The following STAU1 variants were observed in gnomAD, a reference collection of about 807,000 sequenced individuals.
STAU1 encodes the protein staufen double-stranded RNA binding protein 1.
A neutral mutation model predicts 62.9 loss-of-function variants in STAU1; 13 were observed. The observed-to-expected ratio is 0.21, with a 90% CI of 0.13 to 0.33. The LOEUF is 0.33. Ranked by LOEUF, STAU1 falls within the 10% of genes least tolerant of loss-of-function variation. The pLI is 1.00. For synonymous variants in STAU1, 269 were observed against 265.1 expected, an observed-to-expected ratio of 1.01 and a Z score of -0.14; for missense variants, 571 against 712.1, an observed-to-expected ratio of 0.80 and a Z score of 2.25.
At chr20:49,161,784 A>G (rs185704410) in intron 3 of STAU1, among the ~76,000 whole-genome samples, 11 of 152,362 alleles carry the variant, frequency 7.2e-5, no homozygotes, top group African/African-American at 2.4e-4. Context: ...TGGAAGGTCT[A>G]CAAATGTAGG....
chr20:49,219,232 T>C, the STAU1 span: 9 of 978,832 alleles, frequency 9.2e-6, no homozygotes, highest in African/African-American at 1.5e-4. Flanking sequence ...TGGAATTTGC[T>C]TACCTAAAAA....
intron 6 of STAU1, among the ~76,000 whole-genome samples, chr20:49,131,708 T>C (rs1377557607): frequency 6.6e-6 from 1 of 151,878 alleles, no homozygotes; most frequent in African/African-American, 2.4e-5. Context: ...CCGAGTGTGG[T>C]GGCGTGCACC....
At chr20:49,186,404 A>C (rs2093787849) in intron 1 of STAU1, among the ~76,000 whole-genome samples, 1 of 152,158 alleles carries the variant, frequency 6.6e-6, no homozygotes, top group African/African-American at 2.4e-5. Flanking sequence ...GACTGTCAGA[A>C]AATTCTAGGA....
At chr20:49,152,469 G>A (rs189697587) in intron 4 of STAU1, among the ~76,000 whole-genome samples, 77 of 148,994 alleles carry the variant, frequency 5.2e-4, no homozygotes, top group African/African-American at 1.7e-3. Context: ...TCAGCCTCCC[G>A]AGTAGCTGGG....
At chr20:49,140,171 C>T (rs927201400) in intron 5 of STAU1, among the ~76,000 whole-genome samples, 7 of 149,598 alleles carry the variant, frequency 4.7e-5, no homozygotes, top group African/African-American at 9.9e-5. Flanking sequence ...AGTGAGACTC[C>T]GTCTCAAAAA....
At chr20:49,165,870 GGGTGGTGA>G (rs755860497) in intron 3 of STAU1, 119 bp downstream of exon 3, 70 of 878,604 alleles carry the variant, frequency 8.0e-5, no homozygotes, top group Non-Finnish European at 1.2e-4. Flanking sequence ...AAAGAAGTGT[GGGTGGTGA>G]TACTTTCTTT....
chr20:49,204,616 A>ATGTGTG, the STAU1 span, among the ~76,000 whole-genome samples: 16 of 42,204 alleles, frequency 3.8e-4, no homozygotes, highest in African/African-American at 9.2e-4. Context: ...ATATATATAT[A>ATGTGTG]TATATATGTG....
chr20:49,175,402 C>G (rs1315997736), intron 1 of STAU1, among the ~76,000 whole-genome samples: 2 of 151,792 alleles, frequency 1.3e-5, no homozygotes, highest in East Asian at 3.9e-4. Context: ...TTATAAGAGA[C>G]AGCAGAACTT....
chr20:49,126,019 AAAGTTAGCTGCATAT>A (rs1482587245), intron 6 of STAU1, among the ~76,000 whole-genome samples: 1 of 152,002 alleles, frequency 6.6e-6, no homozygotes, highest in Non-Finnish European at 1.5e-5. Flanking sequence ...ACATGAACAG[AAAGTTAGCTGCATAT>A]TAAAGTGATT....
chr20:49,168,085 A>ATT (rs3091970), intron 2 of STAU1, among the ~76,000 whole-genome samples: 1 of 144,560 alleles, frequency 6.9e-6, no homozygotes, highest in Non-Finnish European at 1.5e-5. Flanking sequence ...TAAATTTTTA[A>ATT]TTTTTTTTTT....
Position 49,114,303 on chromosome 20 carries a change from A to G in STAU1, c.*575T>C, listed in dbSNP as rs1255113049. On this transcript the variant is annotated 3_prime_UTR_variant, in exon 14 of 14. Transcript: ENST00000371856. ...AAGAAAATAATGAAACTAAGAATAC[A>G]GATCACTGTTGGAAGAGAAAGCAGT... 6.5e-6 allele frequency: 1 copy of G among 152,950 alleles called. No individual in the cohort carries two copies. The highest frequency in any genetic ancestry group is 1.9e-4 in the East Asian group (1 of 5,212). The allele number at this position is 152,950 out of a possible 1,614,324, so 9.5% of individuals were successfully genotyped here.
At chr20:49,172,946 C>G (rs1345155755) in intron 2 of STAU1, among the ~76,000 whole-genome samples, 1 of 151,094 alleles carries the variant, frequency 6.6e-6, no homozygotes. Flanking sequence ...GAAACAATCT[C>G]GGCTCACTGC....
rs545234449 is a variant in STAU1, at chr20:49,165,891, C to T, written c.205+106G>A. The T allele has an allele frequency of 1.6e-4, 190 of 1,176,534 alleles. No individual in the cohort carries two copies. The African/African-American group carries it at 2.4e-3, about 15-fold the overall frequency. 72.9% of individuals were successfully genotyped at this position (1,176,534 alleles called of 1,614,324 possible). A position where few individuals can be genotyped will look rare whatever the true frequency, so the allele number is the denominator to read the frequency against. ...GTGTGGGTGGTGATACTTTCTTTTG[C>T]TTTTTGAAGGTAAATGTGAGAGCTC... On this transcript the variant is annotated intron_variant, in intron 3 of 13. Transcript: ENST00000371856.
At position 49,115,773 on chromosome 20, in the gene STAU1, T is replaced by G; in HGVS notation, c.1718+9A>C. 6.2e-7 allele frequency: 1 copy of G among 1,613,018 alleles called. No individual in the cohort carries two copies. The highest frequency in any genetic ancestry group is 2.2e-5 in the East Asian group (1 of 44,882). On this transcript the variant is annotated intron_variant, in intron 13 of 13. Coordinates refer to ENST00000371856, the MANE Select transcript of STAU1 (RefSeq NM_017453.4). ...TCATCAGCGCCTTCCCCTTCATCAG[T>G]GCACTCACACAGACATTGGTCCGTT...
the STAU1 span, among the ~76,000 whole-genome samples, chr20:49,196,869 T>C: frequency 6.8e-6 from 1 of 147,204 alleles, no homozygotes; most frequent in Non-Finnish European, 1.5e-5. Context: ...AGAAATAACA[T>C]CAATGGTTCG....
At chr20:49,178,496 C>T (rs569879161) in intron 1 of STAU1, among the ~76,000 whole-genome samples, 1 of 152,298 alleles carries the variant, frequency 6.6e-6, no homozygotes, top group East Asian at 1.9e-4. Context: ...CACCTGTAAT[C>T]CCAACACTTT....
Position 49,115,817 on chromosome 20 carries a change from T to A in STAU1, c.1683A>T (p.Thr561=), listed in dbSNP as rs199651056. Residue 561 remains threonine, a synonymous_variant, in exon 13 of 14, where the codon ACA becomes ACT. Coordinates refer to ENST00000371856, the MANE Select transcript of STAU1 (RefSeq NM_017453.4). ...GTCCGTTTCCTGTTCTTGGCATCTCTGTACTTTGTTGGTCCAACTCAGACA... is the reference window on the plus strand; with the variant it reads ...GTCCGTTTCCTGTTCTTGGCATCTCAGTACTTTGTTGGTCCAACTCAGACA... ...KLLSELDQQS[T]EMPRTGNGPM... 1 of 1,614,116 alleles carries A rather than the reference T, an allele frequency of 6.2e-7. No individual in the cohort carries two copies. Among genetic ancestry groups the A allele is most frequent in the South Asian group, 1.1e-5 (1 of 91,086 alleles).
Position 49,166,152 on chromosome 20 carries a change from CCT to C in STAU1, c.48_49del (p.Gly17GlufsTer23), listed in dbSNP as rs1261095354. ...CTGGTTCTTGTTCAGTATTTGGCTC[CCT>C]GAGAGAGCAGCAGATGGGTTCTGAA... On this transcript the variant is annotated frameshift_variant, in exon 3 of 14. Transcript: ENST00000371856. LOFTEE classifies it high-confidence loss of function. 6.2e-7 allele frequency: 1 copy of C among 1,614,098 alleles called. No homozygotes were observed. Among genetic ancestry groups the C allele is most frequent in the Non-Finnish European group, 8.5e-7 (1 of 1,180,014 alleles).
chr20:49,120,368 G>A (rs1289640920), intron 8 of STAU1, among the ~76,000 whole-genome samples: 1 of 152,304 alleles, frequency 6.6e-6, no homozygotes, highest in South Asian at 2.1e-4. Flanking sequence ...TATTTTAACA[G>A]AGGTAATTTT....
Sources: gnomAD v4.1 joint callset for allele counts (sites outside exome capture counted in the v4.1 genomes callset) on GRCh38, gnomAD v4.1.1 for gene constraint, MANE v1.5 for transcripts, NCBI Gene and HGNC (gene_info 2026-07-23, HGNC 2026-07-21) for gene names.